The following PCDH15 variants were observed in gnomAD, a reference collection of about 807,000 sequenced individuals.
PCDH15 encodes protocadherin related 15.
Under a neutral mutation model 178.5 loss-of-function variants are expected in PCDH15, and 129 were observed. The ratio of observed to expected loss-of-function variants is 0.72; its 90% CI spans 0.63 to 0.84. The LOEUF (loss-of-function observed/expected upper bound fraction) is 0.84, where lower values mean the gene tolerates loss of function less well. Among genes scored for constraint, PCDH15 ranks in the 40% least tolerant of loss-of-function variants. The probability of loss-of-function intolerance (pLI) is 0.00; values close to 1 mark genes in which losing one functional copy is unlikely to be tolerated. For missense variants in PCDH15, 2,230 were observed against 2,099.9 expected (o/e 1.06, Z -1.21); for synonymous variants, 800 against 732.0 (o/e 1.09, Z -1.50).
At chr10:54,828,479 A>G (rs574358957) in intron 3 of PCDH15, among the ~76,000 whole-genome samples, 1 of 123,302 alleles carries the variant, frequency 8.1e-6, no homozygotes, top group East Asian at 2.8e-4. Flanking sequence ...TGTACAAGAT[A>G]TATGTATGTG....
intron 2 of PCDH15, among the ~76,000 whole-genome samples, chr10:54,944,584 G>T (rs914998743): frequency 2.0e-4 from 31 of 151,824 alleles, no homozygotes; most frequent in African/African-American, 7.5e-4. Context: ...TTATACAGAC[G>T]CTGTTGACTA....
At chr10:55,373,618 C>A (rs999136326) in intron 2 of PCDH15, among the ~76,000 whole-genome samples, 2 of 151,840 alleles carry the variant, frequency 1.3e-5, no homozygotes, top group East Asian at 3.9e-4. Flanking sequence ...CATGTTAGTG[C>A]GAGATCAGAG....
intron 2 of PCDH15, among the ~76,000 whole-genome samples, chr10:54,579,952 T>A (rs1242827147): frequency 2.0e-5 from 3 of 152,040 alleles, no homozygotes; most frequent in Non-Finnish European, 4.4e-5. Context: ...TTTCAAAATC[T>A]CTGAGATGCA....
chr10:55,559,967 C>T (rs545909530), intron 2 of PCDH15, among the ~76,000 whole-genome samples: 5 of 151,850 alleles, frequency 3.3e-5, no homozygotes, highest in Non-Finnish European at 7.4e-5. Context: ...ATTAAACAGG[C>T]AGTGATTATA....
intron 2 of PCDH15, among the ~76,000 whole-genome samples, chr10:54,658,413 T>G (rs981216126): frequency 2.6e-5 from 4 of 152,140 alleles, no homozygotes; most frequent in Non-Finnish European, 5.9e-5. Flanking sequence ...GTAGTCCCAT[T>G]AGACTAACAG....
intron 1 of PCDH15, among the ~76,000 whole-genome samples, chr10:55,295,245 T>G (rs1423453734): frequency 6.6e-6 from 1 of 152,226 alleles, no homozygotes; most frequent in African/African-American, 2.4e-5. Context: ...CTTCATTTTC[T>G]AAAAGTATTT....
chr10:53,806,283 G>GTAA lies in PCDH15; in HGVS notation c.*293_*295dup, dbSNP rs1564505484. Reference sequence around the variant, plus strand: ...TCAATAAAATATAAATGATTATTTAGTAATTATTTCTTGTTTATTAAAATG... The same window carrying GTAA: ...TCAATAAAATATAAATGATTATTTAGTAATAATTATTTCTTGTTTATTAAAATG... On this transcript the variant is annotated 3_prime_UTR_variant, in exon 38 of 38. Coordinates refer to ENST00000644397, the MANE Select transcript of PCDH15 (RefSeq NM_001384140.1). 1 of 259,446 alleles carries GTAA rather than the reference G, an allele frequency of 3.9e-6. No individual in the cohort carries two copies. Among genetic ancestry groups the GTAA allele is most frequent in the Non-Finnish European group, 7.3e-6 (1 of 136,752 alleles). The allele number at this position is 259,446 out of a possible 1,614,324, so 16.1% of individuals were successfully genotyped here.
At chr10:54,128,241 G>A (rs897740385) in intron 15 of PCDH15, among the ~76,000 whole-genome samples, 3 of 152,060 alleles carry the variant, frequency 2.0e-5, no homozygotes, top group African/African-American at 7.2e-5. Flanking sequence ...TGTCCAGGTG[G>A]TAGTCTGTGT....
At chr10:54,444,290 T>A (rs532328019) in intron 3 of PCDH15, among the ~76,000 whole-genome samples, 2 of 151,820 alleles carry the variant, frequency 1.3e-5, no homozygotes, top group South Asian at 4.1e-4. Context: ...GTACACTACA[T>A]GATTCCGGGG....
intron 2 of PCDH15, among the ~76,000 whole-genome samples, chr10:55,621,839 A>T (rs1837398218): frequency 6.7e-6 from 1 of 150,272 alleles, no homozygotes; most frequent in Non-Finnish European, 1.5e-5. Context: ...ATAGGAAAAA[A>T]CTCTAACATC....
Position 54,751,687 on chromosome 10 carries a change from G to T in PCDH15, c.-29+49238C>A, listed in dbSNP as rs551437435. Among the ~76,000 whole-genome samples, 64 of 152,178 alleles carry T rather than the reference G, an allele frequency of 4.2e-4. 2 individuals are homozygous for T. The highest frequency in any genetic ancestry group is 1.4e-3 in the African/African-American group (59 of 41,522). ...TGAATCCATTTCTAGAGCTTTCTGT[G>T]TTACATCAAGAAAACAGATTTTTTT... On this transcript the variant is annotated intron_variant, in intron 1 of 37. Coordinates refer to ENST00000644397, the MANE Select transcript of PCDH15 (RefSeq NM_001384140.1).
intron 14 of PCDH15, among the ~76,000 whole-genome samples, chr10:54,146,242 G>A (rs138760900): frequency 9.4e-4 from 142 of 151,762 alleles, no homozygotes; most frequent in Non-Finnish European, 1.8e-3. Flanking sequence ...AATCACAATG[G>A]GAAAATAATT....
intron 1 of PCDH15, among the ~76,000 whole-genome samples, chr10:55,242,603 G>A (rs1258237649): frequency 6.6e-6 from 1 of 152,066 alleles, no homozygotes. Context: ...CAGCTTTTGA[G>A]GAGGCTGACA....
chr10:54,346,394 A>C lies in PCDH15; in HGVS notation c.565T>G (p.Tyr189Asp), dbSNP rs1484530281. The C allele has an allele frequency of 1.9e-6, 3 of 1,613,318 alleles. No individual in the cohort carries two copies. The highest frequency in any genetic ancestry group is 2.5e-6 in the Non-Finnish European group (3 of 1,179,448). Residue 189 changes from tyrosine to aspartate, a missense_variant, in exon 6 of 38, where the codon TAT becomes GAT. Coordinates refer to ENST00000644397, the MANE Select transcript of PCDH15 (RefSeq NM_001384140.1). ...IDDGPNGQIE[Y>D]VIQYNPDDPT... ...TCATCTGGATTATACTGAATAACAT[A>C]CTCTATCTGTCCATTTGGTCCATCA...
At chr10:54,856,341 A>G (rs921963335) in intron 3 of PCDH15, among the ~76,000 whole-genome samples, 5 of 152,200 alleles carry the variant, frequency 3.3e-5, no homozygotes, top group African/African-American at 1.2e-4. Context: ...TGTAAAAAGC[A>G]CAATATCACT....
chr10:54,338,156 A>T (rs1415243850), intron 6 of PCDH15, among the ~76,000 whole-genome samples: 6 of 152,220 alleles, frequency 3.9e-5, no homozygotes, highest in Non-Finnish European at 8.8e-5. Context: ...GAAACTTAAA[A>T]GTCACAGCCT....
chr10:54,286,826 C>T (rs1290914367), intron 8 of PCDH15, among the ~76,000 whole-genome samples: 5 of 152,134 alleles, frequency 3.3e-5, no homozygotes, highest in African/African-American at 9.7e-5. Flanking sequence ...CGGGGTTTTG[C>T]CATGTTGGCC....
chr10:54,519,703 A>G (rs1179962744), intron 3 of PCDH15, among the ~76,000 whole-genome samples: 2 of 152,170 alleles, frequency 1.3e-5, no homozygotes, highest in Non-Finnish European at 2.9e-5. Flanking sequence ...ACAGAATTGG[A>G]AAAACCTCCT....
intron 1 of PCDH15, among the ~76,000 whole-genome samples, chr10:55,225,672 A>AG (rs1841014209): frequency 2.0e-5 from 3 of 150,926 alleles, no homozygotes; most frequent in Non-Finnish European, 3.0e-5. Flanking sequence ...AGAGAGAGAG[A>AG]AACGGAGAGA....
Sources: gnomAD v4.1 joint callset for allele counts (sites outside exome capture counted in the v4.1 genomes callset) on GRCh38, gnomAD v4.1.1 for gene constraint, MANE v1.5 for transcripts, NCBI Gene and HGNC (gene_info 2026-07-23, HGNC 2026-07-21) for gene names.